The following SERGEF variants were observed in gnomAD, a reference collection of about 807,000 sequenced individuals.
SERGEF encodes the protein secretion-regulating guanine nucleotide exchange factor.
SERGEF carries 51 observed loss-of-function variants against 50.0 expected under a neutral mutation model. The ratio of observed to expected loss-of-function variants is 1.02; its 90% CI spans 0.81 to 1.29. The LOEUF is 1.29. Among genes scored for constraint, SERGEF ranks in the 50% most tolerant of loss-of-function variants. The pLI is 0.00. For synonymous variants in SERGEF, 205 were observed against 212.4 expected, an observed-to-expected ratio of 0.97 and a Z score of 0.30; for missense variants, 521 against 557.0, an observed-to-expected ratio of 0.94 and a Z score of 0.65.
At chr11:17,923,441 C>T (rs1356144295) in intron 9 of SERGEF, among the ~76,000 whole-genome samples, 1 of 152,180 alleles carries the variant, frequency 6.6e-6, no homozygotes, top group African/African-American at 2.4e-5. Flanking sequence ...GGAAATGCTC[C>T]AGGAAACCTA....
intron 10 of SERGEF, among the ~76,000 whole-genome samples, chr11:17,859,813 C>A (rs1009711062): frequency 6.6e-6 from 1 of 152,120 alleles, no homozygotes; most frequent in Non-Finnish European, 1.5e-5. Flanking sequence ...AATTGCCAAC[C>A]TAGATTTCTA....
intron 8 of SERGEF, among the ~76,000 whole-genome samples, chr11:17,979,084 C>T (rs1853439701): frequency 6.6e-6 from 1 of 152,222 alleles, no homozygotes; most frequent in African/African-American, 2.4e-5. Flanking sequence ...GACCTCCCTT[C>T]TCAAAGACAG....
chr11:17,826,567 T>A (rs964685781), intron 10 of SERGEF, among the ~76,000 whole-genome samples: 2 of 152,180 alleles, frequency 1.3e-5, no homozygotes, highest in East Asian at 3.8e-4. Flanking sequence ...GTACAACATT[T>A]CAGTATGGGA....
chr11:17,885,391 A>C (rs1284587840), intron 9 of SERGEF, among the ~76,000 whole-genome samples: 1 of 152,096 alleles, frequency 6.6e-6, no homozygotes, highest in Admixed American at 6.5e-5. Flanking sequence ...GTGTGAACCT[A>C]GCTCACTATA....
At chr11:17,795,429 T>C (rs957875359) in intron 10 of SERGEF, among the ~76,000 whole-genome samples, 1 of 152,150 alleles carries the variant, frequency 6.6e-6, no homozygotes, top group Non-Finnish European at 1.5e-5. Context: ...CCTTGCCCTA[T>C]CCTTTATGCT....
chr11:17,843,067 T>G (rs527661564), intron 10 of SERGEF, among the ~76,000 whole-genome samples: 1 of 152,300 alleles, frequency 6.6e-6, no homozygotes, highest in East Asian at 1.9e-4. Context: ...CTTGTCTATC[T>G]CCTGTAGCTC....
intron 10 of SERGEF, among the ~76,000 whole-genome samples, chr11:17,834,788 C>A (rs1395767203): frequency 1.3e-5 from 2 of 152,172 alleles, no homozygotes; most frequent in African/African-American, 4.8e-5. Context: ...TCACATGGAT[C>A]TCTTTTACGT....
At chr11:17,890,115 A>G (rs1390232386) in intron 9 of SERGEF, among the ~76,000 whole-genome samples, 3 of 151,988 alleles carry the variant, frequency 2.0e-5, no homozygotes, top group Admixed American at 1.3e-4. Context: ...TACATGAGAA[A>G]AGTGGCTAAG....
Position 17,788,377 on chromosome 11 carries a change from C to T in SERGEF, c.1085G>A (p.Gly362Asp), listed in dbSNP as rs1489447960. Residue 362 changes from glycine (G) to aspartate (D), a missense_variant, in exon 11 of 11, where the codon GGC becomes GAC. Gly to Asp is a moderately conservative substitution (Grantham distance 94). Coordinates refer to ENST00000265965, the MANE Select transcript of SERGEF (RefSeq NM_012139.4). ...VCYSWGWNEHGMCGDGTEANV... is the reference protein window; with the variant it reads ...VCYSWGWNEHDMCGDGTEANV... ...GGCTTCAGTGCCATCTCCGCACATG[C>T]CATGCTCATTCCAGCCCCAAGAGTA... is the stretch of plus-strand genomic sequence containing the variant. The T allele has an allele frequency of 1.2e-6, 2 of 1,612,696 alleles. No homozygotes were observed. Among genetic ancestry groups the T allele is most frequent in the East Asian group, 4.5e-5 (2 of 44,862 alleles).
intron 10 of SERGEF, chr11:17,863,630 T>C: frequency 6.6e-6 from 1 of 152,340 alleles, no homozygotes. Context: ...ATTCATTCAT[T>C]CATTCAGTAT....
rs1239919539 is a variant in SERGEF, at chr11:17,888,471, T to C, written c.1012-10227A>G. On this transcript the variant is annotated intron_variant, in intron 9 of 10. Transcript: ENST00000265965. This position sits in a 1 kb window ranked among gnomAD's most constrained non-coding sequence, Gnocchi z 4.1. ...CAATTCTGAAAGTATTTTGTATATA[T>C]TGTGGGACCATGCAAATGAGGAAAT... Among the ~76,000 whole-genome samples, 5 of 152,178 alleles carry C rather than the reference T, an allele frequency of 3.3e-5. No individual in the cohort carries two copies. Among genetic ancestry groups the C allele is most frequent in the Admixed American group, 2.6e-4 (4 of 15,278 alleles).
In SERGEF at chr11:17,838,712, G is replaced by A. The variant is rs138304006; in HGVS notation, c.1048+39496C>T. On this transcript the variant is annotated intron_variant, in intron 10 of 10. Transcript: ENST00000265965. Reference sequence around the variant, plus strand: ...AAAACCCCTCTCACAGGTCTAGTGTGAGAATGAAAACGAGATACGGTGTAG... The same window carrying A: ...AAAACCCCTCTCACAGGTCTAGTGTAAGAATGAAAACGAGATACGGTGTAG... Among the ~76,000 whole-genome samples, 448 of 152,324 alleles carry A rather than the reference G, an allele frequency of 2.9e-3. 1 individual carries two copies. Among genetic ancestry groups the A allele is most frequent in the African/African-American group, 9.9e-3 (413 of 41,564 alleles).
At chr11:17,810,435 C>T (rs907872202) in intron 10 of SERGEF, among the ~76,000 whole-genome samples, 6 of 152,198 alleles carry the variant, frequency 3.9e-5, no homozygotes, top group African/African-American at 1.2e-4. Context: ...ATGTCTACAA[C>T]AATCATGCCT....
intron 10 of SERGEF, among the ~76,000 whole-genome samples, chr11:17,865,884 T>C (rs1220642351): frequency 1.3e-5 from 2 of 152,314 alleles, no homozygotes; most frequent in East Asian, 3.9e-4. Context: ...TACAGTAGTA[T>C]ATAATAATGT....
chr11:17,884,019 G>A lies in SERGEF; in HGVS notation c.1012-5775C>T, dbSNP rs1280126296. On this transcript the variant is annotated intron_variant, in intron 9 of 10. Coordinates refer to ENST00000265965, the MANE Select transcript of SERGEF (RefSeq NM_012139.4). The surrounding 1 kb of genome is among the most constrained non-coding windows in gnomAD (Gnocchi z 4.6). ...CAGAACTCAGGGTCAGGTACGCCAA[G>A]GAGAGGAAGTGAGGCGAGGCCAGCC... is the stretch of plus-strand genomic sequence containing the variant. 6.6e-6 allele frequency among the ~76,000 whole-genome samples: 1 copy of A among 152,194 alleles called. No homozygotes were observed. Among genetic ancestry groups the A allele is most frequent in the African/African-American group, 2.4e-5 (1 of 41,456 alleles).
intron 9 of SERGEF, among the ~76,000 whole-genome samples, chr11:17,954,422 T>C (rs1210810869): frequency 6.6e-6 from 1 of 152,176 alleles, no homozygotes; most frequent in Admixed American, 6.5e-5. Context: ...TCAAGTGGTA[T>C]TTCTCCTTCA....
At chr11:17,825,066 A>T (rs1376358099) in intron 10 of SERGEF, among the ~76,000 whole-genome samples, 3 of 152,182 alleles carry the variant, frequency 2.0e-5, no homozygotes, top group Non-Finnish European at 4.4e-5. Context: ...GGTACCAGAG[A>T]TGGCATTCTT....
At chr11:17,803,330 A>T (rs1849705016) in intron 10 of SERGEF, among the ~76,000 whole-genome samples, 1 of 152,204 alleles carries the variant, frequency 6.6e-6, no homozygotes, top group African/African-American at 2.4e-5. Context: ...TCAAATGAGC[A>T]CCCATCCATC....
At chr11:17,973,969 G>A (rs1853310803) in intron 8 of SERGEF, among the ~76,000 whole-genome samples, 1 of 152,186 alleles carries the variant, frequency 6.6e-6, no homozygotes, top group Non-Finnish European at 1.5e-5. Flanking sequence ...GAGACTTAGA[G>A]TCCCAGTAAT....
Sources: allele counts gnomAD v4.1 joint callset (sites outside exome capture counted in the v4.1 genomes callset), GRCh38; gene constraint gnomAD v4.1.1; non-coding constraint Gnocchi (gnomAD v3.1); transcripts MANE v1.5; gene names NCBI Gene and HGNC (gene_info 2026-07-23, HGNC 2026-07-21).